Variants in MYH7B observed in about 807,000 individuals in gnomAD.
MYH7B encodes the protein myosin heavy chain 7B.
In MYH7B, 205 loss-of-function variants were observed where a neutral mutation model predicts 234.5. The ratio of observed to expected loss-of-function variants is 0.87; its 90% CI spans 0.78 to 0.98. The LOEUF (loss-of-function observed/expected upper bound fraction) is 0.98, where lower values mean the gene tolerates loss of function less well. MYH7B is among the 50% of genes least tolerant of loss of function. MYH7B has a pLI of 0.00. For missense variants in MYH7B, 2,652 were observed against 2,633.4 expected, an observed-to-expected ratio of 1.01 and a Z score of -0.15; for synonymous variants, 1,193 against 1,105.0, an observed-to-expected ratio of 1.08 and a Z score of -1.58.
Position 34,979,303 on chromosome 20 carries a change from G to C in MYH7B, c.92-87G>C, listed in dbSNP as rs997250879. 13 of 1,052,274 alleles carry C rather than the reference G, an allele frequency of 1.2e-5. No homozygotes were observed. The African/African-American group carries it at 2.1e-4, about 17-fold the overall frequency. 65.2% of individuals were successfully genotyped at this position (1,052,274 alleles called of 1,614,324 possible). A position where few individuals can be genotyped will look rare whatever the true frequency, so the allele number is the denominator to read the frequency against. ...AGGGGCTTTGGGGAGGGTCACAGCT[G>C]TATGGATACCATGGCTTGGGAACTC... On this transcript the variant is annotated intron_variant, in intron 5 of 44. Transcript: ENST00000262873.
chr20:34,986,237 C>A, intron 14 of MYH7B, 39 bp downstream of exon 14: 1 of 1,507,438 alleles, frequency 6.6e-7, no homozygotes, highest in Non-Finnish European at 9.1e-7. Context: ...GAGTCAGAAC[C>A]TGGAGGGGCT....
chr20:34,960,051 C>G (rs73905016), intron 2 of MYH7B, among the ~76,000 whole-genome samples: 5,869 of 152,190 alleles, frequency 0.039, 377 homozygotes, highest in African/African-American at 0.13. Flanking sequence ...CTCAGACTTC[C>G]CAAAGCTAAC....
intron 13 of MYH7B, 126 bp from the exon 14 acceptor site, chr20:34,985,974 G>C: frequency 1.3e-6 from 1 of 747,892 alleles, no homozygotes; most frequent in Non-Finnish European, 2.3e-6. Flanking sequence ...CCCCACACAA[G>C]CTGGCAGGTG....
chr20:34,989,792 C>G lies in MYH7B; in HGVS notation c.1640C>G (p.Ser547Ter). 1 of 1,614,186 alleles carries G rather than the reference C, an allele frequency of 6.2e-7. No homozygotes were observed. Among genetic ancestry groups the G allele is most frequent in the Non-Finnish European group, 8.5e-7 (1 of 1,180,036 alleles). ...GAGGAATGCATGTTCCCCAAGGCCT[C>G]AGACGCCAGCTTCCGGGCCAAGCTC... Residue 547 changes from serine to a stop codon, truncating the protein, a stop_gained, in exon 20 of 45, where the codon TCA (serine) becomes TGA (stop). Coordinates refer to ENST00000262873, the Ensembl canonical transcript of MYH7B. LOFTEE classifies it high-confidence loss of function.
At position 34,987,540 on chromosome 20, in the gene MYH7B, C is replaced by G. The variant is rs765391665; in HGVS notation, c.1148-17C>G. Reference sequence around the variant, plus strand: ...ATGGTGGTGTCCTCCTCCCTTACCCCACTCGTGCCCTGCCAGGTGCTGACA... The same window carrying G: ...ATGGTGGTGTCCTCCTCCCTTACCCGACTCGTGCCCTGCCAGGTGCTGACA... On this transcript the variant is annotated splice_polypyrimidine_tract_variant and intron_variant, in intron 16 of 44. Transcript: ENST00000262873. The G allele has an allele frequency of 2.0e-6, 3 of 1,507,534 alleles. No homozygotes were observed. The highest frequency in any genetic ancestry group is 1.8e-6 in the Non-Finnish European group (2 of 1,133,542). 93.4% of individuals were successfully genotyped at this position (1,507,534 alleles called of 1,614,324 possible).
intron 13 of MYH7B, among the ~76,000 whole-genome samples, chr20:34,985,803 A>T (rs1444656887): frequency 1.3e-5 from 2 of 152,120 alleles, no homozygotes; most frequent in South Asian, 4.1e-4. Flanking sequence ...CCACACACGC[A>T]CACACGCTGA....
chr20:34,974,217 A>G (rs1467296518), intron 2 of MYH7B, among the ~76,000 whole-genome samples: 1 of 136,376 alleles, frequency 7.3e-6, no homozygotes, highest in Non-Finnish European at 1.5e-5. Flanking sequence ...ATGAGCCACC[A>G]TGCCCAGCCT....
At chr20:34,994,049 G>A in intron 26 of MYH7B, 97 bp from the exon 27 acceptor site, 3 of 1,489,462 alleles carry the variant, frequency 2.0e-6, no homozygotes, top group Non-Finnish European at 2.7e-6. Context: ...TACTCCATGA[G>A]GCTGCTGGGA....
chr20:34,995,220 A>C, intron 27 of MYH7B, 116 bp from the exon 28 acceptor site: 1 of 959,294 alleles, frequency 1.0e-6, no homozygotes, highest in South Asian at 1.6e-5. Flanking sequence ...CTGAGTTCTC[A>C]GAGCACAGCC....
chr20:34,989,742 A>T, exon 20 of MYH7B: 2 of 1,613,716 alleles, frequency 1.2e-6, no homozygotes, highest in Non-Finnish European at 1.7e-6. Flanking sequence ...GTTCCCAGCC[A>T]CTGGGCATCC....
exon 20 of MYH7B, chr20:34,989,870 A>C: frequency 1.9e-6 from 3 of 1,614,186 alleles, no homozygotes; most frequent in Non-Finnish European, 1.7e-6. Flanking sequence ...CGGCCTGACA[A>C]GAAGCGCAAG....
chr20:34,990,184 G>C (rs200021725), intron 21 of MYH7B, 38 bp downstream of exon 21: 1 of 1,614,116 alleles, frequency 6.2e-7, no homozygotes, highest in Admixed American at 1.7e-5. Context: ...TCTGACAGGG[G>C]CCCACAGAGC....
chr20:34,991,638 G>A (rs371121300), intron 24 of MYH7B, among the ~76,000 whole-genome samples: 8 of 152,126 alleles, frequency 5.3e-5, no homozygotes, highest in Non-Finnish European at 1.0e-4. Flanking sequence ...GGAGTTGAAC[G>A]AGAATCATGT....
chr20:34,987,237 A>G, exon 16 of MYH7B: 3 of 1,612,102 alleles, frequency 1.9e-6, no homozygotes, highest in Non-Finnish European at 2.5e-6. Flanking sequence ...GGCAACATGA[A>G]GTTCAAGCAG....
chr20:34,978,153 G>A (rs1427969305), intron 5 of MYH7B, 57 bp downstream of exon 5: 2 of 1,600,556 alleles, frequency 1.2e-6, no homozygotes, highest in East Asian at 2.2e-5. Flanking sequence ...TATGGACTCA[G>A]ACCAGGAATT....
intron 10 of MYH7B, among the ~76,000 whole-genome samples, chr20:34,984,065 G>T (rs1027000756): frequency 6.6e-6 from 1 of 152,206 alleles, no homozygotes; most frequent in Non-Finnish European, 1.5e-5. Context: ...CTGCCCTGCC[G>T]CTCCTGACTT....
chr20:34,970,865 G>A (rs59055973), intron 2 of MYH7B, among the ~76,000 whole-genome samples: 1,604 of 152,280 alleles, frequency 0.011, 39 homozygotes, highest in African/African-American at 0.037. Context: ...TGAGAGATAC[G>A]ATGGACTCCC....
chr20:35,000,741 T>A, intron 39 of MYH7B, 27 bp from the exon 40 acceptor site: 1 of 1,608,070 alleles, frequency 6.2e-7, no homozygotes, highest in Non-Finnish European at 8.5e-7. Flanking sequence ...GCTGGCTGGC[T>A]GGCTCTGAGA....
In MYH7B at chr20:34,986,101, TCTC is replaced by T. The variant is rs749704678; in HGVS notation, c.810_812del (p.Leu271del). 2.5e-6 allele frequency: 4 copies of T among 1,579,142 alleles called. No individual in the cohort carries two copies. In the East Asian group the frequency reaches 9.2e-5, roughly 36 times the overall value. Reference sequence around the variant, plus strand: ...CAGGCCAGCGTCCCTTCTCCCCAGATCTCCTGGAGAAGTCGCGGGTGATCTTCC... The same window carrying T: ...CAGGCCAGCGTCCCTTCTCCCCAGATCTGGAGAAGTCGCGGGTGATCTTCC... On this transcript the variant is annotated inframe_deletion and splice_region_variant, in exon 14 of 45. Coordinates refer to ENST00000262873, the Ensembl canonical transcript of MYH7B.
Sources: gnomAD v4.1 joint callset for allele counts (sites outside exome capture counted in the v4.1 genomes callset) on GRCh38, gnomAD v4.1.1 for gene constraint, MANE v1.5 for transcripts, NCBI Gene and HGNC (gene_info 2026-07-23, HGNC 2026-07-21) for gene names.